CYP2U1: variants seen among roughly 807,000 people sequenced by gnomAD.
The protein encoded by CYP2U1 is cytochrome P450 family 2 subfamily U member 1.
CYP2U1 carries 28 observed loss-of-function variants against 42.8 expected under a neutral mutation model. The observed-to-expected ratio is 0.65, with a 90% CI of 0.48 to 0.90. CYP2U1 has a LOEUF of 0.90. Among genes scored for constraint, CYP2U1 ranks in the 40% least tolerant of loss-of-function variants. CYP2U1 has a pLI of 0.00. For synonymous variants in CYP2U1, 296 were observed against 278.9 expected (o/e 1.06, Z -0.61); for missense variants, 642 against 693.8 (o/e 0.93, Z 0.84).
At position 107,947,410 on chromosome 4, in the gene CYP2U1, C is replaced by T. The variant is rs150288490; in HGVS notation, c.1161C>T (p.Gly387=). ...ATGAAGAAATTGAAAGAGTCATTGG[C>T]GCCAACCGAGCTCCTTCCCTCACAG... The part of the protein sequence containing the change: ...KVHEEIERVI[G]ANRAPSLTDK... Residue 387 remains glycine, a synonymous_variant, in exon 3 of 5, where the codon GGC becomes GGT. Coordinates refer to ENST00000332884, the MANE Select transcript of CYP2U1 (RefSeq NM_183075.3). The T allele has an allele frequency of 1.2e-4, 200 of 1,613,972 alleles. No individual in the cohort carries two copies. The highest frequency in any genetic ancestry group is 9.4e-4 in the East Asian group (42 of 44,892).
intron 1 of CYP2U1, chr4:107,938,162 TG>T (rs1733346701): frequency 6.6e-6 from 1 of 152,326 alleles, no homozygotes; most frequent in South Asian, 2.1e-4. Context: ...CTCACCTTCT[TG>T]GCCACAGTGA....
chr4:107,931,782 G>A lies in CYP2U1; in HGVS notation c.139G>A (p.Gly47Ser), dbSNP rs1449521264. Reference sequence around the variant, plus strand: ...GCTATGCGGCCTCGTAGCGCTGCTGGGCTGGAGCTGGCTGCGGAGGCGCCG... The same window carrying A: ...GCTATGCGGCCTCGTAGCGCTGCTGAGCTGGAGCTGGCTGCGGAGGCGCCG... ...LLLCGLVALL[G>S]WSWLRRRRAR... Residue 47 changes from glycine to serine, a missense_variant, in exon 1 of 5, where the codon GGC becomes AGC. Gly to Ser is a moderately conservative substitution (Grantham distance 56). Transcript: ENST00000332884. 1 of 1,506,854 alleles carries A rather than the reference G, an allele frequency of 6.6e-7. No individual in the cohort carries two copies. Among genetic ancestry groups the A allele is most frequent in the Non-Finnish European group, 8.8e-7 (1 of 1,130,882 alleles). 93.3% of individuals were successfully genotyped at this position (1,506,854 alleles called of 1,614,324 possible).
In CYP2U1 at chr4:107,947,461, A is replaced by C; in HGVS notation, c.1212A>C (p.Glu404Asp). 6.2e-7 allele frequency: 1 copy of C among 1,614,136 alleles called. No homozygotes were observed. The highest frequency in any genetic ancestry group is 1.6e-4 in the Middle Eastern group (1 of 6,062). Residue 404 changes from glutamate (E) to aspartate (D), a missense_variant, in exon 3 of 5, where the codon GAA becomes GAC. Transcript: ENST00000332884. Reference protein sequence around the residue: ...LTDKAQMPYTEATIMEVQRLT... With the variant: ...LTDKAQMPYTDATIMEVQRLT... Reference sequence around the variant, plus strand: ...ACAAGGCCCAGATGCCCTACACAGAAGCCACCATCATGGAAGTGCAGAGGC... The same window carrying C: ...ACAAGGCCCAGATGCCCTACACAGACGCCACCATCATGGAAGTGCAGAGGC...
intron 1 of CYP2U1, chr4:107,940,225 T>G (rs1733435345): frequency 6.6e-6 from 1 of 151,088 alleles, no homozygotes; most frequent in African/African-American, 2.4e-5. Context: ...AACTACAGGC[T>G]TGAGCCACCA....
In CYP2U1 at chr4:107,948,588, T is replaced by TC. The variant is rs759349106; in HGVS notation, c.1289-762_1289-761insC. ...AGACAGCCTGTCTCAATAATAATAA[T>TC]AATAATCATCATCATCATCATCATA... On this transcript the variant is annotated intron_variant, in intron 3 of 4. Coordinates refer to ENST00000332884, the MANE Select transcript of CYP2U1 (RefSeq NM_183075.3). 5.8e-3 allele frequency among the ~76,000 whole-genome samples: 873 copies of TC among 151,310 alleles called. 7 individuals are homozygous for TC. Among genetic ancestry groups the TC allele is most frequent in the African/African-American group, 0.02 (813 of 40,862 alleles).
chr4:107,931,907 C>G lies in CYP2U1; in HGVS notation c.264C>G (p.Ser88Arg), dbSNP rs2126188344. 2 of 1,550,374 alleles carry G rather than the reference C, an allele frequency of 1.3e-6. No individual in the cohort carries two copies. The highest frequency in any genetic ancestry group is 1.7e-6 in the Non-Finnish European group (2 of 1,146,612). The stretch of plus-strand genomic sequence containing the variant: ...TCCTCCGGCGGCGGAGCTGGCTGAG[C>G]AGCAGGACCAGGGCCGCAGGGATTG... The part of the protein sequence containing the change: ...PPFLRRRSWL[S>R]SRTRAAGIDP... The change falls in exon 1 of 5, where the codon AGC (serine) becomes AGG (arginine). Residue 88 changes from serine to arginine, a missense_variant. Transcript: ENST00000332884.
chr4:107,940,238 CCCAG>C (rs1733436406), intron 1 of CYP2U1: 1 of 140,682 alleles, frequency 7.1e-6, no homozygotes, highest in Non-Finnish European at 1.5e-5. Context: ...AGCCACCACA[CCCAG>C]CTAATTAAAA....
At chr4:107,944,839 C>CATATATATATATATATATATATAT (rs374845038) in intron 1 of CYP2U1, 131 bp from the exon 2 acceptor site, 1,276 of 64,010 alleles carry the variant, frequency 0.02, 218 homozygotes, top group Admixed American at 0.026. Flanking sequence ...TTTATATATA[C>CATATATATATATATATATATATAT]ATATATATAT....
chr4:107,947,601 G>C, intron 3 of CYP2U1, 64 bp downstream of exon 3: 1 of 1,537,356 alleles, frequency 6.5e-7, no homozygotes, highest in South Asian at 1.1e-5. Context: ...ATCCAGGGTA[G>C]TTGAGGTGAG....
chr4:107,949,315 A>T, intron 3 of CYP2U1, 35 bp from the exon 4 acceptor site: 9 of 1,411,958 alleles, frequency 6.4e-6, no homozygotes, highest in Non-Finnish European at 8.4e-6. Flanking sequence ...GTAAAAGCAT[A>T]CTGAATAACA....
intron 1 of CYP2U1, among the ~76,000 whole-genome samples, chr4:107,944,637 CT>C: frequency 6.6e-6 from 1 of 151,500 alleles, no homozygotes; most frequent in South Asian, 2.1e-4. Flanking sequence ...TGGATTCACT[CT>C]TATGAAATAT....
At chr4:107,945,827 C>T (rs187359017) in intron 2 of CYP2U1, among the ~76,000 whole-genome samples, 3 of 152,314 alleles carry the variant, frequency 2.0e-5, no homozygotes, top group Non-Finnish European at 4.4e-5. Flanking sequence ...TAAATCTCTA[C>T]GCGTCTGATT....
chr4:107,942,593 A>G (rs1237498902), intron 1 of CYP2U1, among the ~76,000 whole-genome samples: 1 of 152,204 alleles, frequency 6.6e-6, no homozygotes, highest in African/African-American at 2.4e-5. Context: ...AGACCAATAT[A>G]ACCAACTAGA....
At position 107,931,738 on chromosome 4, in the gene CYP2U1, C is replaced by T. The variant is rs2126188056; in HGVS notation, c.95C>T (p.Pro32Leu). The stretch of plus-strand genomic sequence containing the variant: ...CCTCTGGGGCTGCTGCGGCTGGACC[C>T]CAGCGGGGGCGCGCTGCTGCTATGC... ...RAPLGLLRLD[P>L]SGGALLLCGL... The change falls in exon 1 of 5, where the codon CCC becomes CTC. Residue 32 changes from proline to leucine, a missense_variant. Pro to Leu is a moderately conservative substitution (Grantham distance 98). Coordinates refer to ENST00000332884, the MANE Select transcript of CYP2U1 (RefSeq NM_183075.3). 1.4e-6 allele frequency: 2 copies of T among 1,419,946 alleles called. No individual in the cohort carries two copies. The highest frequency in any genetic ancestry group is 1.8e-6 in the Non-Finnish European group (2 of 1,096,836). 88.0% of individuals were successfully genotyped at this position (1,419,946 alleles called of 1,614,324 possible). A position where few individuals can be genotyped will look rare whatever the true frequency, so the allele number is the denominator to read the frequency against.
At chr4:107,944,921 T>A in intron 1 of CYP2U1, 49 bp from the exon 2 acceptor site, 1 of 1,539,550 alleles carries the variant, frequency 6.5e-7, no homozygotes. Context: ...CTGTTCAGTG[T>A]TATCAGGAAT....
intron 4 of CYP2U1, among the ~76,000 whole-genome samples, chr4:107,949,816 G>T (rs1005413940): frequency 6.6e-6 from 1 of 152,110 alleles, no homozygotes; most frequent in African/African-American, 2.4e-5. Context: ...TGAGAGGATG[G>T]GTTCTCTAAT....
intron 1 of CYP2U1, 77 bp downstream of exon 1, chr4:107,932,210 G>C: frequency 1.3e-6 from 2 of 1,494,022 alleles, no homozygotes; most frequent in Non-Finnish European, 1.8e-6. Context: ...TGCAGTTCCT[G>C]TGCCCCTTCC....
chr4:107,947,627 T>C, intron 3 of CYP2U1, 90 bp downstream of exon 3: 1 of 1,286,994 alleles, frequency 7.8e-7, no homozygotes, highest in South Asian at 1.3e-5. Flanking sequence ...TGGTGACTGT[T>C]GTCTAGCTTG....
intron 1 of CYP2U1, among the ~76,000 whole-genome samples, chr4:107,934,665 T>C (rs573186738): frequency 3.9e-5 from 6 of 152,348 alleles, no homozygotes; most frequent in East Asian, 1.9e-4. Context: ...TTCTCTTTTT[T>C]AGCTCTGCCT....
Sources: allele counts gnomAD v4.1 joint callset (sites outside exome capture counted in the v4.1 genomes callset), GRCh38; gene constraint gnomAD v4.1.1; transcripts MANE v1.5; gene names NCBI Gene and HGNC (gene_info 2026-07-23, HGNC 2026-07-21).